Variants in HSD17B12 observed in about 807,000 individuals in gnomAD.
HSD17B12 encodes very-long-chain 3-oxoacyl-CoA reductase.
HSD17B12 carries 32 observed loss-of-function variants against 39.3 expected under a neutral mutation model. The ratio of observed to expected loss-of-function variants is 0.81; its 90% CI spans 0.61 to 1.09. The LOEUF is 1.09. Among genes scored for constraint, HSD17B12 ranks in the 50% least tolerant of loss-of-function variants. The pLI, the probability that HSD17B12 is intolerant of heterozygous loss-of-function variation, is 0.00. For synonymous variants in HSD17B12, 150 were observed against 146.7 expected (o/e 1.02, Z -0.16); for missense variants, 342 against 382.9 (o/e 0.89, Z 0.89).
chr11:43,789,917 G>A (rs11037640), intron 3 of HSD17B12, among the ~76,000 whole-genome samples: 54,644 of 151,936 alleles, frequency 0.36, 10,560 homozygotes, highest in East Asian at 0.68. Context: ...GGGTGCCAGA[G>A]TGAGACCCTG....
chr11:43,809,241 G>A (rs1352278510), intron 4 of HSD17B12, among the ~76,000 whole-genome samples: 3 of 152,112 alleles, frequency 2.0e-5, no homozygotes, highest in African/African-American at 7.2e-5. Context: ...CCAGGCATTG[G>A]GTTAAAGATT....
chr11:43,850,004 A>G (rs1169094255), intron 9 of HSD17B12, among the ~76,000 whole-genome samples: 2 of 152,234 alleles, frequency 1.3e-5, no homozygotes, highest in Admixed American at 1.3e-4. Context: ...GCCAACATTT[A>G]TCAAGGATCT....
In HSD17B12 at chr11:43,781,608, T is replaced by C. The variant is rs12226853; in HGVS notation, c.284-16712T>C. On this transcript the variant is annotated intron_variant, in intron 3 of 10. Coordinates refer to ENST00000278353, the MANE Select transcript of HSD17B12 (RefSeq NM_016142.3). ...TATTTGAGTGTCATGGACCTTCTTG[T>C]GAATTCAAATGGTAAAACGTTTATT... is the stretch of plus-strand genomic sequence containing the variant. Among the ~76,000 whole-genome samples the C allele has an allele frequency of 3.9e-3, 594 of 152,288 alleles. 6 individuals carry two copies. The East Asian group carries it at 0.044, about 11-fold the overall frequency.
At chr11:43,806,335 G>T (rs1469984278) in intron 4 of HSD17B12, 1 of 152,090 alleles carries the variant, frequency 6.6e-6, no homozygotes, top group African/African-American at 2.4e-5. Context: ...TTCCACTACT[G>T]AGTATATATC....
intron 3 of HSD17B12, among the ~76,000 whole-genome samples, chr11:43,788,216 T>C (rs185678486): frequency 4.1e-4 from 63 of 152,218 alleles, no homozygotes; most frequent in Non-Finnish European, 6.9e-4. Flanking sequence ...ATCTTCTTGG[T>C]AGTCATTTCA....
At chr11:43,614,960 T>C in the HSD17B12 span, among the ~76,000 whole-genome samples, 2 of 152,150 alleles carry the variant, frequency 1.3e-5, no homozygotes, top group Non-Finnish European at 2.9e-5. Flanking sequence ...TTTTTATTGC[T>C]TTTTCTCCCC....
the HSD17B12 span, among the ~76,000 whole-genome samples, chr11:43,598,252 C>CCA: frequency 6.6e-6 from 1 of 152,166 alleles, no homozygotes; most frequent in Non-Finnish European, 1.5e-5. Context: ...AGATACTACC[C>CCA]CTTCTTCCCA....
At chr11:43,687,026 T>C (rs1024962629) in intron 1 of HSD17B12, among the ~76,000 whole-genome samples, 2 of 29,990 alleles carry the variant, frequency 6.7e-5, no homozygotes, top group Non-Finnish European at 2.5e-4. Flanking sequence ...TCAGAAAAAT[T>C]TGTCAGATTT....
the HSD17B12 span, among the ~76,000 whole-genome samples, chr11:43,624,845 T>C: frequency 6.6e-6 from 1 of 151,594 alleles, no homozygotes; most frequent in African/African-American, 2.4e-5. Flanking sequence ...AATTTGAAAT[T>C]CATTCATGCC....
At chr11:43,783,022 T>C (rs1417799602) in intron 3 of HSD17B12, among the ~76,000 whole-genome samples, 1 of 152,148 alleles carries the variant, frequency 6.6e-6, no homozygotes, top group African/African-American at 2.4e-5. Context: ...AAACCTAAGT[T>C]GAGGGACATT....
At chr11:43,773,070 T>A (rs1230287372) in intron 3 of HSD17B12, among the ~76,000 whole-genome samples, 1 of 152,108 alleles carries the variant, frequency 6.6e-6, no homozygotes, top group African/African-American at 2.4e-5. Context: ...GAGATTGCGC[T>A]ACTGCACTCC....
chr11:43,781,870 A>G (rs969126167), intron 3 of HSD17B12, among the ~76,000 whole-genome samples: 6 of 152,204 alleles, frequency 3.9e-5, no homozygotes, highest in Non-Finnish European at 5.9e-5. Flanking sequence ...GATCCTTCAG[A>G]CAATCAGTAT....
intron 7 of HSD17B12, chr11:43,837,825 G>A (rs769557172): frequency 1.1e-4 from 17 of 156,180 alleles, no homozygotes; most frequent in Non-Finnish European, 2.0e-4. Flanking sequence ...GCTCAGTACC[G>A]TGTGGAATAT....
At chr11:43,748,231 T>C (rs562025804) in intron 1 of HSD17B12, among the ~76,000 whole-genome samples, 3 of 152,162 alleles carry the variant, frequency 2.0e-5, no homozygotes, top group South Asian at 2.1e-4. Context: ...CAATGGTAGA[T>C]TGGGTAAAGA....
At position 43,816,329 on chromosome 11, in the gene HSD17B12, C is replaced by A. The variant is rs1425208152; in HGVS notation, c.457-18C>A. On this transcript the variant is annotated intron_variant, in intron 5 of 10. Transcript: ENST00000278353. Reference sequence around the variant, plus strand: ...TTCATGATCAAGTGTATATAAAATTCTCAATATTTTTTTGCAGGTGATCAA... The same window carrying A: ...TTCATGATCAAGTGTATATAAAATTATCAATATTTTTTTGCAGGTGATCAA... 6.8e-7 allele frequency: 1 copy of A among 1,469,650 alleles called. No homozygotes were observed. Among genetic ancestry groups the A allele is most frequent in the Non-Finnish European group, 9.2e-7 (1 of 1,085,072 alleles). The allele number at this position is 1,469,650 out of a possible 1,614,324, so 91.0% of individuals were successfully genotyped here. A position where few individuals can be genotyped will look rare whatever the true frequency, so the allele number is the denominator to read the frequency against.
At chr11:43,571,711 A>G in the HSD17B12 span, among the ~76,000 whole-genome samples, 1 of 152,186 alleles carries the variant, frequency 6.6e-6, no homozygotes, top group Non-Finnish European at 1.5e-5. Context: ...GGCAACCAAA[A>G]AAAAAGGGGG....
chr11:43,819,581 T>G (rs2135088194), intron 6 of HSD17B12, among the ~76,000 whole-genome samples: 1 of 152,312 alleles, frequency 6.6e-6, no homozygotes, highest in African/African-American at 2.4e-5. Context: ...AGATATCATT[T>G]TTAATATCTT....
At chr11:43,590,718 G>A in the HSD17B12 span, among the ~76,000 whole-genome samples, 1 of 150,318 alleles carries the variant, frequency 6.7e-6, no homozygotes. Context: ...CACCGTGTTA[G>A]CCAGGATGGT....
At chr11:43,807,897 A>T (rs1330716615) in intron 4 of HSD17B12, among the ~76,000 whole-genome samples, 1 of 152,222 alleles carries the variant, frequency 6.6e-6, no homozygotes, top group African/African-American at 2.4e-5. Flanking sequence ...GCCAGCCACC[A>T]TGCTAATGAA....
Sources: allele counts gnomAD v4.1 joint callset (sites outside exome capture counted in the v4.1 genomes callset), GRCh38; gene constraint gnomAD v4.1.1; transcripts MANE v1.5; gene names NCBI Gene and HGNC (gene_info 2026-07-23, HGNC 2026-07-21).